MKLN1: variants seen among roughly 807,000 people sequenced by gnomAD.
MKLN1 encodes muskelin 1.
MKLN1 carries 18 observed loss-of-function variants against 99.0 expected under a neutral mutation model. The observed-to-expected ratio is 0.18, with a 90% CI of 0.13 to 0.27. The LOEUF (loss-of-function observed/expected upper bound fraction) is 0.27. Ranked by LOEUF, MKLN1 falls within the 10% of genes least tolerant of loss-of-function variation. The pLI is 1.00. For synonymous variants in MKLN1, 288 were observed against 293.2 expected (o/e 0.98, Z 0.18); for missense variants, 621 against 875.9 (o/e 0.71, Z 3.67).
At chr7:131,224,043 T>C (rs1424376525) in intron 3 of MKLN1, among the ~76,000 whole-genome samples, 2 of 151,184 alleles carry the variant, frequency 1.3e-5, no homozygotes, top group Non-Finnish European at 2.9e-5. Flanking sequence ...GGATTACAGG[T>C]GTGAGCCGCT....
intron 3 of MKLN1, among the ~76,000 whole-genome samples, chr7:131,280,976 T>A (rs920959302): frequency 7.9e-5 from 12 of 152,224 alleles, no homozygotes; most frequent in Non-Finnish European, 1.3e-4. Flanking sequence ...TTGCAAAGAT[T>A]TTTTCCTGTC....
In MKLN1 at chr7:131,321,673, A is replaced by AAAAC. The variant is rs778178396; in HGVS notation, c.-178-53735_-178-53732dup. Among the ~76,000 whole-genome samples the AAAAC allele has an allele frequency of 4.6e-5, 7 of 152,210 alleles. 1 individual carries two copies. Among genetic ancestry groups the AAAAC allele is most frequent in the African/African-American group, 1.4e-4 (6 of 41,460 alleles). On this transcript the variant is annotated intron_variant, in intron 3 of 7. Coordinates refer to the MKLN1 transcript ENST00000416992. ...GTTATTCCTGGCTTTTGAACTTTAA[A>AAAAC]AAACAAACAAACAAACAAAAAACAA...
chr7:131,111,757 TA>T (rs1795204560), intron 1 of MKLN1, among the ~76,000 whole-genome samples: 1 of 129,122 alleles, frequency 7.7e-6, no homozygotes, highest in African/African-American at 2.9e-5. Flanking sequence ...AGTATACTTC[TA>T]AAATGAAACG....
At chr7:131,254,033 T>C (rs1205509650) in intron 3 of MKLN1, among the ~76,000 whole-genome samples, 1 of 152,102 alleles carries the variant, frequency 6.6e-6, no homozygotes, top group Non-Finnish European at 1.5e-5. Context: ...TAGGGCATTG[T>C]TGAAAACAAT....
At chr7:131,121,932 T>C (rs932874309) in intron 1 of MKLN1, among the ~76,000 whole-genome samples, 3 of 152,178 alleles carry the variant, frequency 2.0e-5, no homozygotes, top group Non-Finnish European at 4.4e-5. Flanking sequence ...GAGCTGGCAC[T>C]GGAGACTGAG....
At chr7:131,190,240 G>A (rs967632026) in intron 2 of MKLN1, among the ~76,000 whole-genome samples, 2 of 152,084 alleles carry the variant, frequency 1.3e-5, no homozygotes, top group African/African-American at 2.4e-5. Context: ...GATGGAGCAG[G>A]GGGATGTCAC....
At chr7:131,151,002 A>T (rs1795881044) in intron 2 of MKLN1, among the ~76,000 whole-genome samples, 1 of 152,224 alleles carries the variant, frequency 6.6e-6, no homozygotes, top group Non-Finnish European at 1.5e-5. Flanking sequence ...TTGACCTTAA[A>T]GGAATAACTT....
intron 3 of MKLN1, among the ~76,000 whole-genome samples, chr7:131,304,441 T>C (rs1015829500): frequency 1.3e-5 from 2 of 152,132 alleles, no homozygotes; most frequent in Non-Finnish European, 1.5e-5. Context: ...GGGTTCTAGA[T>C]TGAGATGTGT....
intron 2 of MKLN1, among the ~76,000 whole-genome samples, chr7:131,161,961 GTGTATATATATATATATATA>G (rs1168215905): frequency 0.014 from 1,149 of 81,068 alleles, 25 homozygotes; most frequent in African/African-American, 0.067. Flanking sequence ...GTGTGTGTGT[GTGTATATATATATATATATA>G]TATATATATA....
At chr7:131,476,344 G>C (rs1796967155) in intron 16 of MKLN1, among the ~76,000 whole-genome samples, 1 of 152,094 alleles carries the variant, frequency 6.6e-6, no homozygotes, top group African/African-American at 2.4e-5. Context: ...TTGGATAGGA[G>C]AAAGTAAATT....
Position 131,480,458 on chromosome 7 carries a change from C to T in MKLN1, c.2086+1781C>T, listed in dbSNP as rs1008720582. ...GAAAAAATAGAGGTGTTCTTGAGGT[C>T]TTGCCCTTTATCCATAGCGAGTGAT... On this transcript the variant is annotated intron_variant, in intron 17 of 17. Transcript: ENST00000352689. Among the ~76,000 whole-genome samples the T allele has an allele frequency of 8.5e-5, 13 of 152,128 alleles. 1 individual carries two copies. The highest frequency in any genetic ancestry group is 7.2e-4 in the Admixed American group (11 of 15,276).
chr7:131,494,357 A>G lies in MKLN1; in HGVS notation c.*6629A>G, dbSNP rs1797497285. On this transcript the variant is annotated 3_prime_UTR_variant, in exon 18 of 18. Transcript: ENST00000352689. ...TTTATAAATCTTTATAAATTCAGTT[A>G]CAACAAAGGAGAGGATCCTACACCA... The G allele has an allele frequency of 6.6e-6, 1 of 152,246 alleles. No individual in the cohort carries two copies. Among genetic ancestry groups the G allele is most frequent in the South Asian group, 2.1e-4 (1 of 4,834 alleles). The allele number at this position is 152,246 out of a possible 1,614,324, so 9.4% of individuals were successfully genotyped here.
chr7:131,483,602 A>T (rs985018374), intron 17 of MKLN1, among the ~76,000 whole-genome samples: 2 of 152,216 alleles, frequency 1.3e-5, no homozygotes, highest in Non-Finnish European at 2.9e-5. Flanking sequence ...TCTAATGTGC[A>T]TATTTTTCCC....
At chr7:131,115,385 C>CT (rs1795258865) in intron 1 of MKLN1, among the ~76,000 whole-genome samples, 1 of 152,228 alleles carries the variant, frequency 6.6e-6, no homozygotes, top group Non-Finnish European at 1.5e-5. Context: ...CAAAATGTCT[C>CT]TTTCGGTCTC....
At chr7:131,478,073 T>TA (rs1263712331) in intron 16 of MKLN1, among the ~76,000 whole-genome samples, 5 of 152,220 alleles carry the variant, frequency 3.3e-5, no homozygotes, top group Non-Finnish European at 7.3e-5. Flanking sequence ...TTATGTCCAT[T>TA]AAAAAAGGTC....
chr7:131,145,035 T>C (rs765527015), intron 2 of MKLN1, among the ~76,000 whole-genome samples: 8 of 152,126 alleles, frequency 5.3e-5, no homozygotes, highest in Non-Finnish European at 1.0e-4. Flanking sequence ...GGCTGATGCA[T>C]ATTCGGATCT....
chr7:131,452,544 C>CTTTTT lies in MKLN1; in HGVS notation c.1525+6662_1525+6666dup, dbSNP rs1159344518. Among the ~76,000 whole-genome samples the CTTTTT allele has an allele frequency of 2.3e-3, 162 of 70,348 alleles. 5 individuals carry two copies. Among genetic ancestry groups the CTTTTT allele is most frequent in the African/African-American group, 4.3e-3 (71 of 16,614 alleles). 46.2% of individuals were successfully genotyped at this position (70,348 alleles called of 152,430 possible). Reference sequence around the variant, plus strand: ...TCTTTATGTTTCTGATCCTTTTATACTTTTTTTTTTTTTTTTTTTTTTTTT... The same window carrying CTTTTT: ...TCTTTATGTTTCTGATCCTTTTATACTTTTTTTTTTTTTTTTTTTTTTTTTTTTTT... On this transcript the variant is annotated intron_variant, in intron 12 of 17. Transcript: ENST00000352689.
chr7:131,408,619 G>C (rs1033796829), intron 6 of MKLN1, among the ~76,000 whole-genome samples: 1 of 152,002 alleles, frequency 6.6e-6, no homozygotes. Context: ...TTTAAATCAT[G>C]TTGTATGTGT....
At chr7:131,465,600 G>T (rs182552641) in intron 14 of MKLN1, among the ~76,000 whole-genome samples, 2 of 151,940 alleles carry the variant, frequency 1.3e-5, no homozygotes, top group African/African-American at 4.8e-5. Context: ...GTACAGTGGC[G>T]CAATCTCTGC....
Sources: gnomAD v4.1 joint callset for allele counts (sites outside exome capture counted in the v4.1 genomes callset) on GRCh38, gnomAD v4.1.1 for gene constraint, MANE v1.5 for transcripts, NCBI Gene and HGNC (gene_info 2026-07-23, HGNC 2026-07-21) for gene names.